The following ITGAM variants were observed in gnomAD, a reference collection of about 807,000 sequenced individuals.
ITGAM encodes the protein integrin alpha-M.
ITGAM carries 79 observed loss-of-function variants against 137.5 expected under a neutral mutation model. That is an observed-to-expected ratio of 0.57 (90% CI 0.48 to 0.69). The LOEUF is 0.69. Among genes scored for constraint, ITGAM ranks in the 30% least tolerant of loss-of-function variants. The probability of loss-of-function intolerance (pLI) is 0.00; values close to 1 mark genes in which losing one functional copy is unlikely to be tolerated. For missense variants in ITGAM, 1,343 were observed against 1,483.5 expected, an observed-to-expected ratio of 0.91 and a Z score of 1.56; for synonymous variants, 583 against 592.3, an observed-to-expected ratio of 0.98 and a Z score of 0.23.
intron 12 of ITGAM, among the ~76,000 whole-genome samples, chr16:31,292,032 TA>T (rs2080092186): frequency 6.6e-6 from 1 of 152,092 alleles, no homozygotes; most frequent in Non-Finnish European, 1.5e-5. Context: ...TATGCTTGTA[TA>T]AAAATATCAC....
chr16:31,297,849 G>A lies in ITGAM; in HGVS notation c.1602G>A (p.Lys534=), dbSNP rs1191232456. 2 of 1,614,030 alleles carry A rather than the reference G, an allele frequency of 1.2e-6. No homozygotes were observed. Among genetic ancestry groups the A allele is most frequent in the Admixed American group, 1.7e-5 (1 of 59,980 alleles). ...LTVLGDVNGD[K]LTDVAIGAPG... is the part of the protein sequence containing the mutation. ...TGCTGGGGGACGTAAATGGGGACAA[G>A]CTGACGGACGTGGCCATTGGGGCCC... Residue 534 remains lysine, a synonymous_variant, in exon 14 of 30, where the codon AAG becomes AAA. Transcript: ENST00000544665.
chr16:31,305,849 G>A (rs904365137), intron 14 of ITGAM, among the ~76,000 whole-genome samples: 1 of 152,138 alleles, frequency 6.6e-6, no homozygotes, highest in Non-Finnish European at 1.5e-5. Flanking sequence ...TTGATGTACT[G>A]TTGGATTTGG....
intron 2 of ITGAM, among the ~76,000 whole-genome samples, chr16:31,263,980 T>C (rs1227668243): frequency 4.0e-5 from 6 of 151,442 alleles, no homozygotes. Context: ...GGACTACAGG[T>C]GCGTGCCACC....
chr16:31,283,198 TG>T (rs1275047699), intron 12 of ITGAM, among the ~76,000 whole-genome samples: 1 of 152,208 alleles, frequency 6.6e-6, no homozygotes, highest in Admixed American at 6.5e-5. Context: ...TTATGTGTCT[TG>T]GAGTTGCTCT....
intron 23 of ITGAM, 154 bp from the exon 24 acceptor site, chr16:31,329,074 C>CA: frequency 4.4e-5 from 11 of 249,256 alleles, no homozygotes; most frequent in Non-Finnish European, 7.3e-5. Flanking sequence ...CACATTGGTT[C>CA]CCCCATCCCC....
Position 31,302,039 on chromosome 16 carries a change from A to C in ITGAM, c.1707+4085A>C, listed in dbSNP as rs148726592. Among the ~76,000 whole-genome samples the C allele has an allele frequency of 4.7e-3, 712 of 152,266 alleles. 6 individuals carry two copies. Among genetic ancestry groups the C allele is most frequent in the East Asian group, 0.019 (96 of 5,184 alleles). ...CAAAAATTAACCCTGACAAAAAAAA[A>C]CCCACTTATTTTGGCTTTTAAAAAT... On this transcript the variant is annotated intron_variant, in intron 14 of 29. Transcript: ENST00000544665.
intron 14 of ITGAM, among the ~76,000 whole-genome samples, chr16:31,307,792 G>A (rs2080281001): frequency 6.6e-6 from 1 of 152,028 alleles, no homozygotes; most frequent in Non-Finnish European, 1.5e-5. Context: ...GTTTGTCATA[G>A]ATAGCTCTTA....
intron 12 of ITGAM, among the ~76,000 whole-genome samples, chr16:31,282,267 A>G (rs1217547235): frequency 1.3e-5 from 2 of 151,972 alleles, no homozygotes; most frequent in Non-Finnish European, 2.9e-5. Flanking sequence ...CAATTCCTGG[A>G]TATCCTTGTT....
At chr16:31,318,299 G>GT (rs1316734718) in intron 14 of ITGAM, among the ~76,000 whole-genome samples, 2 of 148,028 alleles carry the variant, frequency 1.4e-5, no homozygotes, top group African/African-American at 5.0e-5. Flanking sequence ...TGTTGTTTCT[G>GT]TTTTTTCTCC....
chr16:31,329,840 T>C lies in ITGAM; in HGVS notation c.2911T>C (p.Phe971Leu). Residue 971 changes from phenylalanine to leucine, a missense_variant, in exon 25 of 30, where the codon TTC becomes CTC. Coordinates refer to ENST00000544665, the MANE Select transcript of ITGAM (RefSeq NM_000632.4). The part of the protein sequence containing the change: ...GQRSLPISLV[F>L]LVPVRLNQTV... Reference sequence around the variant, plus strand: ...GAGGAGCCTCCCCATCAGCCTGGTGTTCTTGGTGCCCGTCCGGCTGAACCA... The same window carrying C: ...GAGGAGCCTCCCCATCAGCCTGGTGCTCTTGGTGCCCGTCCGGCTGAACCA... The C allele has an allele frequency of 1.3e-6, 2 of 1,563,302 alleles. No individual in the cohort carries two copies. The highest frequency in any genetic ancestry group is 1.7e-6 in the Non-Finnish European group (2 of 1,153,732).
rs371133524 is a variant in ITGAM, at chr16:31,275,600, G to A, written c.910G>A (p.Ala304Thr). The change falls in exon 9 of 30, where the codon GCA (alanine) becomes ACA (threonine). Residue 304 changes from alanine (A) to threonine (T), a missense_variant. Transcript: ENST00000544665. ...EKSRQELNTI[A>T]SKPPRDHVFQ... ...ATCCCGCCAAGAGCTTAATACCATC[G>A]CATCCAAGCCGCCTCGTGATCACGT... The A allele has an allele frequency of 7.4e-6, 12 of 1,613,916 alleles. No individual in the cohort carries two copies. The highest frequency in any genetic ancestry group is 1.7e-5 in the Admixed American group (1 of 60,018).
At chr16:31,287,571 CT>C (rs2080041639) in intron 12 of ITGAM, among the ~76,000 whole-genome samples, 1 of 151,942 alleles carries the variant, frequency 6.6e-6, no homozygotes, top group South Asian at 2.1e-4. Context: ...TTGTAGAGAC[CT>C]TTTACCTCCT....
chr16:31,260,021 C>T lies in ITGAM; in HGVS notation c.-44C>T. ...CCTTGTGGTTCCTCAGTGGTGCCTG[C>T]AACCCCTGGTTCACCTCCTTCCAGG... On this transcript the variant is annotated 5_prime_UTR_variant, in exon 1 of 30. Transcript: ENST00000544665. 6.5e-7 allele frequency: 1 copy of T among 1,532,502 alleles called. No homozygotes were observed. The highest frequency in any genetic ancestry group is 8.8e-7 in the Non-Finnish European group (1 of 1,130,122). 94.9% of individuals were successfully genotyped at this position (1,532,502 alleles called of 1,614,324 possible).
chr16:31,310,891 G>GT lies in ITGAM; in HGVS notation c.1708-10348dup, dbSNP rs555680807. 1.3e-3 allele frequency among the ~76,000 whole-genome samples: 199 copies of GT among 152,194 alleles called. 1 individual carries two copies. The highest frequency in any genetic ancestry group is 2.1e-3 in the Non-Finnish European group (143 of 68,012). ...GGTTTTTGGTGTGGATGTCCTTTCT[G>GT]TTGTTAGTTTTCCTTCTAACAGTCA... On this transcript the variant is annotated intron_variant, in intron 14 of 29. Coordinates refer to ENST00000544665, the MANE Select transcript of ITGAM (RefSeq NM_000632.4).
chr16:31,271,723 T>G, intron 6 of ITGAM, 124 bp from the exon 7 acceptor site: 1 of 1,146,432 alleles, frequency 8.7e-7, no homozygotes, highest in Non-Finnish European at 1.3e-6. Flanking sequence ...AGGCAGGGGA[T>G]TAGGGGCAGC....
chr16:31,270,130 C>CTCCTTTCCTTTCCTT (rs2079813659), intron 5 of ITGAM, among the ~76,000 whole-genome samples: 3 of 90,836 alleles, frequency 3.3e-5, no homozygotes, highest in South Asian at 8.9e-4. Flanking sequence ...TCCTTCCTTC[C>CTCCTTTCCTTTCCTT]TCCTTTGCTT....
chr16:31,328,896 G>A lies in ITGAM; in HGVS notation c.2793-332G>A, dbSNP rs530763472. Reference sequence around the variant, plus strand: ...TGTATGTGTGCATGAGTGTGTATTCGTGCATGTGTGTGTGTCTGAGGATCT... The same window carrying A: ...TGTATGTGTGCATGAGTGTGTATTCATGCATGTGTGTGTGTCTGAGGATCT... On this transcript the variant is annotated intron_variant, in intron 23 of 29. Coordinates refer to ENST00000544665, the MANE Select transcript of ITGAM (RefSeq NM_000632.4). The A allele has an allele frequency of 1.6e-4, 72 of 456,920 alleles. No individual in the cohort carries two copies. The East Asian group carries it at 3.0e-3, about 19-fold the overall frequency. The allele number at this position is 456,920 out of a possible 1,614,324, so 28.3% of individuals were successfully genotyped here. A position where few individuals can be genotyped will look rare whatever the true frequency, so the allele number is the denominator to read the frequency against.
At chr16:31,329,073 T>TTCCCCCCCCCCCCCC in intron 23 of ITGAM, 155 bp from the exon 24 acceptor site, 8 of 426,226 alleles carry the variant, frequency 1.9e-5, no homozygotes, top group Non-Finnish European at 2.2e-5. Context: ...ACACATTGGT[T>TTCCCCCCCCCCCCCC]CCCCCATCCC....
At chr16:31,272,954 G>C (rs886164368) in intron 7 of ITGAM, among the ~76,000 whole-genome samples, 1 of 151,898 alleles carries the variant, frequency 6.6e-6, no homozygotes, top group Admixed American at 6.6e-5. Flanking sequence ...CCGAGACCTC[G>C]CCTAGCTGTA....
Sources: gnomAD v4.1 joint callset for allele counts (sites outside exome capture counted in the v4.1 genomes callset) on GRCh38, gnomAD v4.1.1 for gene constraint, MANE v1.5 for transcripts, NCBI Gene and HGNC (gene_info 2026-07-23, HGNC 2026-07-21) for gene names.